IDS: variants seen among roughly 807,000 people sequenced by gnomAD.
IDS encodes iduronate 2-sulfatase.
Under a neutral mutation model 33.5 loss-of-function variants are expected in IDS, and 1 was observed. The observed-to-expected ratio is 0.03, with a 90% confidence interval of 0.01 to 0.14. The LOEUF (loss-of-function observed/expected upper bound fraction) is 0.14. Ranked by LOEUF, IDS falls within the 10% of genes least tolerant of loss-of-function variation. The pLI is 1.00. For missense variants in IDS, 328 were observed against 448.0 expected, an observed-to-expected ratio of 0.73 and a Z score of 2.42; for synonymous variants, 191 against 184.4, an observed-to-expected ratio of 1.04 and a Z score of -0.29.
chrX:149,494,211 AGGATAAAT>A (rs2089417269), intron 6 of IDS, among the ~76,000 whole-genome samples: 1 of 111,880 alleles, frequency 8.9e-6, no homozygotes, highest in Admixed American at 9.4e-5. Flanking sequence ...AGGAGGGGCA[AGGATAAAT>A]GGACAAGTAT....
At chrX:149,499,480 T>C (rs782545485) in intron 4 of IDS, 2 of 111,479 alleles carry the variant, frequency 1.8e-5, no homozygotes, top group Admixed American at 9.5e-5. Context: ...ACTCTATTTA[T>C]ACCAAATGGA....
At chrX:149,502,941 G>A (rs1557340141) in intron 3 of IDS, 1 of 403,663 alleles carries the variant, frequency 2.5e-6, no homozygotes, top group Non-Finnish European at 4.3e-6. Context: ...AGGCCCTCAG[G>A]TGTCCTCACC....
chrX:149,493,760 G>A (rs1486059076), intron 6 of IDS, among the ~76,000 whole-genome samples: 1 of 111,266 alleles, frequency 9.0e-6, no homozygotes, highest in Non-Finnish European at 1.9e-5. Context: ...TACACACTAG[G>A]TGGCATCTGA....
chrX:149,482,765 A>T lies in IDS; in HGVS notation c.1634T>A (p.Phe545Tyr). 1 of 1,211,287 alleles carries T rather than the reference A, an allele frequency of 8.3e-7. No homozygotes were observed. Among genetic ancestry groups the T allele is most frequent in the Non-Finnish European group, 1.1e-6 (1 of 895,377 alleles). The change falls in exon 9 of 9, where the codon TTC becomes TAC. Residue 545 changes from phenylalanine to tyrosine, a missense_variant. This residue lies in a region of IDS where 265 missense variants were observed against 339.2 expected (regional missense o/e 0.78). Coordinates refer to ENST00000340855, the MANE Select transcript of IDS (RefSeq NM_000202.8). The stretch of plus-strand genomic sequence containing the variant: ...CAAAACTCAAGGCATCAACAACTGG[A>T]AAAGATCTCCACCTTGGGAATCATT... ...MYNDSQGGDL[F>Y]QLLMP
intron 4 of IDS, among the ~76,000 whole-genome samples, chrX:149,499,622 G>T (rs782219921): frequency 7.2e-5 from 8 of 111,015 alleles, no homozygotes; most frequent in Non-Finnish European, 1.5e-4. Flanking sequence ...ATCTAAGATC[G>T]ATTTGGGTGA....
In IDS at chrX:149,479,921, A is replaced by G. The variant is rs1315610543; in HGVS notation, c.*2825T>C. The G allele has an allele frequency of 4.6e-6, 1 of 217,615 alleles. No homozygotes were observed. The allele number at this position is 217,615 out of a possible 1,213,427, so 17.9% of individuals were successfully genotyped here. ...AAAGCGAACACAAGATTCTTTAGCA[A>G]TGTTCATTCCATCCCACAATAGAGT... is the stretch of plus-strand genomic sequence containing the variant. On this transcript the variant is annotated 3_prime_UTR_variant, in exon 9 of 9. Transcript: ENST00000340855.
At chrX:149,498,430 C>T in intron 4 of IDS, 123 bp from the exon 5 acceptor site, 1 of 536,664 alleles carries the variant, frequency 1.9e-6, no homozygotes, top group East Asian at 3.6e-5. Flanking sequence ...TCAGACTGAA[C>T]AGAGACATCA....
chrX:149,500,994 A>G lies in IDS; in HGVS notation c.462T>C (p.Ser154=), dbSNP rs1557339900. The change falls in exon 4 of 9, where the codon TCT becomes TCC. Residue 154 remains serine (S), a synonymous_variant. Coordinates refer to ENST00000340855, the MANE Select transcript of IDS (RefSeq NM_000202.8). The part of the protein sequence containing the change: ...NHTDDSPYSW[S]FPPYHPSSEK... The stretch of plus-strand genomic sequence containing the variant: ...CAGAGGAAGGATGATAAGGTGGAAA[A>G]GACCAGCTATACGGAGAATCATCGG... 1 of 1,186,706 alleles carries G rather than the reference A, an allele frequency of 8.4e-7. No homozygotes were observed. The highest frequency in any genetic ancestry group is 1.8e-5 in the South Asian group (1 of 56,666).
intron 3 of IDS, 105 bp from the exon 4 acceptor site, chrX:149,501,142 T>C (rs1358250640): frequency 3.8e-6 from 2 of 521,354 alleles, no homozygotes; most frequent in Non-Finnish European, 6.6e-6. Flanking sequence ...CTCCCTTCTT[T>C]GGGGCTCAGT....
rs148929875 is a variant in IDS at position 149,482,434 on chromosome X, C to T, written c.*312G>A. 304 of 275,888 alleles carry T rather than the reference C, an allele frequency of 1.1e-3. 4 individuals carry two copies. Among genetic ancestry groups the T allele is most frequent in the African/African-American group, 7.6e-3 (275 of 36,286 alleles). The allele number at this position is 275,888 out of a possible 1,213,427, so 22.7% of individuals were successfully genotyped here. ...ATGTTTGGTTATTATGTATGGTCTT[C>T]GTATCCAAAGGTATGACATAACTTG... On this transcript the variant is annotated 3_prime_UTR_variant, in exon 9 of 9. Coordinates refer to ENST00000340855, the MANE Select transcript of IDS (RefSeq NM_000202.8).
chrX:149,497,572 C>A (rs2089445692), intron 5 of IDS, among the ~76,000 whole-genome samples: 1 of 112,469 alleles, frequency 8.9e-6, no homozygotes, highest in Non-Finnish European at 1.9e-5. Context: ...CCTCATAAAA[C>A]ATGATAGGGA....
intron 8 of IDS, 39 bp from the exon 9 acceptor site, chrX:149,483,257 T>C: frequency 9.2e-7 from 1 of 1,086,579 alleles, no homozygotes; most frequent in Non-Finnish European, 1.3e-6. Flanking sequence ...GGTTACATTA[T>C]AAAAGCCTGC....
intron 8 of IDS, among the ~76,000 whole-genome samples, chrX:149,484,610 A>G (rs112073095): frequency 0.091 from 10,262 of 112,569 alleles, 388 homozygotes; most frequent in Middle Eastern, 0.18. Context: ...GTGAGCCACC[A>G]CGCCCAGCCT....
rs2089297532 is a variant in IDS, at chrX:149,481,809, C to G, written c.*937G>C. 8.9e-6 allele frequency: 1 copy of G among 112,112 alleles called. No homozygotes were observed. Among genetic ancestry groups the G allele is most frequent in the South Asian group, 3.6e-4 (1 of 2,747 alleles). The allele number at this position is 112,112 out of a possible 1,213,427, so 9.2% of individuals were successfully genotyped here. On this transcript the variant is annotated 3_prime_UTR_variant, in exon 9 of 9. Transcript: ENST00000340855. ...AGAATTTAATGTTTTCTTTAATAAG[C>G]AATTAAAATGGAATATTTTCTGCCT...
At chrX:149,487,495 T>C (rs782620991) in intron 7 of IDS, among the ~76,000 whole-genome samples, 2 of 112,070 alleles carry the variant, frequency 1.8e-5, no homozygotes, top group African/African-American at 6.5e-5. Flanking sequence ...TGCCCTGTCC[T>C]GTGCCTACCT....
intron 3 of IDS, 108 bp downstream of exon 3, chrX:149,503,204 G>C (rs782321805): frequency 8.6e-7 from 1 of 1,169,047 alleles, no homozygotes; most frequent in African/African-American, 1.8e-5. Context: ...CGAGGGACTC[G>C]CCCAGCCAGA....
intron 4 of IDS, 119 bp from the exon 5 acceptor site, chrX:149,498,426 T>C (rs1204168804): frequency 2.5e-5 from 14 of 557,558 alleles, no homozygotes; most frequent in Non-Finnish European, 3.5e-5. Context: ...TCACTCAGAC[T>C]GAACAGAGAC....
At chrX:149,497,490 T>C (rs1557339419) in intron 5 of IDS, among the ~76,000 whole-genome samples, 1 of 112,343 alleles carries the variant, frequency 8.9e-6, no homozygotes, top group Admixed American at 9.4e-5. Context: ...TCAAAGAGCA[T>C]ACTGCTGGTC....
At chrX:149,502,084 A>G (rs2089484715) in intron 3 of IDS, 1 of 330,171 alleles carries the variant, frequency 3.0e-6, no homozygotes. Context: ...CCTGGCACAC[A>G]GTGGTGGCTA....
Sources: allele counts gnomAD v4.1 joint callset (sites outside exome capture counted in the v4.1 genomes callset), GRCh38; gene constraint gnomAD v4.1.1; regional missense constraint gnomAD v4.1.1; transcripts MANE v1.5; gene names NCBI Gene and HGNC (gene_info 2026-07-23, HGNC 2026-07-21).